CLIC5: variants seen among roughly 807,000 people sequenced by gnomAD.
CLIC5 encodes CLIC family member 5.
Under a neutral mutation model 24.7 loss-of-function variants are expected in CLIC5, and 20 were observed. That is an observed-to-expected ratio of 0.81 (90% CI 0.57 to 1.18). The LOEUF (loss-of-function observed/expected upper bound fraction) is 1.18, where lower values mean the gene tolerates loss of function less well. CLIC5 is among the 50% of genes most tolerant of loss of function. The probability of loss-of-function intolerance (pLI) is 0.00; values close to 1 mark genes in which losing one functional copy is unlikely to be tolerated. For missense variants in CLIC5, 341 were observed against 326.1 expected, an observed-to-expected ratio of 1.05 and a Z score of -0.35; for synonymous variants, 159 against 135.6, an observed-to-expected ratio of 1.17 and a Z score of -1.20.
the CLIC5 span, among the ~76,000 whole-genome samples, chr6:46,094,553 C>T: frequency 0.022 from 3,351 of 152,296 alleles, 128 homozygotes; most frequent in African/African-American, 0.076. Context: ...ACCAGCAGGG[C>T]AGTCATTAAA....
At chr6:45,962,482 C>G (rs1764882465) in intron 1 of CLIC5, among the ~76,000 whole-genome samples, 1 of 100,960 alleles carries the variant, frequency 9.9e-6, no homozygotes, top group Non-Finnish European at 1.8e-5. Context: ...TTAATGTCAT[C>G]CAAAAAAAAA....
At chr6:45,914,467 T>G in intron 4 of CLIC5, 58 bp from the exon 5 acceptor site, 1 of 1,470,492 alleles carries the variant, frequency 6.8e-7, no homozygotes, top group Non-Finnish European at 9.1e-7. Flanking sequence ...GATACAGTCA[T>G]AGGGTCTTCA....
intron 4 of CLIC5, among the ~76,000 whole-genome samples, chr6:45,932,237 G>A (rs1763765631): frequency 6.6e-6 from 1 of 151,724 alleles, no homozygotes; most frequent in African/African-American, 2.4e-5. Context: ...AACCTCTCAA[G>A]TAGATGGGAT....
intron 4 of CLIC5, among the ~76,000 whole-genome samples, chr6:45,925,457 C>T (rs1763446017): frequency 6.6e-6 from 1 of 152,072 alleles, no homozygotes; most frequent in African/African-American, 2.4e-5. Flanking sequence ...GCTGGGACTA[C>T]AGGCGCGTGC....
intron 1 of CLIC5, among the ~76,000 whole-genome samples, chr6:45,977,466 G>A (rs1229131813): frequency 6.6e-6 from 1 of 152,096 alleles, no homozygotes. Context: ...ATAAAAAAAT[G>A]GATATGATAC....
At chr6:46,032,468 C>A (rs1378225928) in intron 1 of CLIC5, among the ~76,000 whole-genome samples, 3 of 152,174 alleles carry the variant, frequency 2.0e-5, no homozygotes, top group Non-Finnish European at 4.4e-5. Context: ...ATTTTTATAT[C>A]ATCTGACTTT....
chr6:45,886,897 G>A (rs1762310063), intron 6 of CLIC5, among the ~76,000 whole-genome samples: 1 of 152,168 alleles, frequency 6.6e-6, no homozygotes, highest in Admixed American at 6.5e-5. Flanking sequence ...CTAGGCTTCT[G>A]ATCTCCTGAT....
intron 1 of CLIC5, among the ~76,000 whole-genome samples, chr6:46,013,424 T>C (rs1402920322): frequency 1.3e-5 from 2 of 152,252 alleles, no homozygotes; most frequent in Non-Finnish European, 2.9e-5. Context: ...TTGTCCCATT[T>C]ACTTGTAAAT....
chr6:46,026,052 G>A (rs1767323229), intron 1 of CLIC5, among the ~76,000 whole-genome samples: 1 of 152,138 alleles, frequency 6.6e-6, no homozygotes, highest in African/African-American at 2.4e-5. Context: ...AGAACGGACT[G>A]ATATAGCCTT....
At chr6:46,007,322 A>C (rs1345139109) in intron 1 of CLIC5, among the ~76,000 whole-genome samples, 1 of 152,242 alleles carries the variant, frequency 6.6e-6, no homozygotes, top group Non-Finnish European at 1.5e-5. Context: ...GTAATGGTCA[A>C]GCCCATCAAA....
At chr6:46,089,709 G>A in the CLIC5 span, among the ~76,000 whole-genome samples, 4 of 152,130 alleles carry the variant, frequency 2.6e-5, no homozygotes, top group Admixed American at 2.0e-4. Flanking sequence ...CCACAACTAA[G>A]CCACATCAAC....
rs1316553930 is a variant in CLIC5, at chr6:45,884,982, T to C, written c.624-3794A>G. On this transcript the variant is annotated intron_variant, in intron 6 of 6. Transcript: ENST00000644324. ...TTCAGGAAATAGGTTTTTTAAAAAA[T>C]CACAACTTTTTCATCAAGGGCCAAA... Among the ~76,000 whole-genome samples, 7 of 150,718 alleles carry C rather than the reference T, an allele frequency of 4.6e-5. No homozygotes were observed. The South Asian group carries it at 1.1e-3, about 23-fold the overall frequency.
At chr6:46,068,782 G>A (rs1413378685) in intron 1 of CLIC5, among the ~76,000 whole-genome samples, 1 of 152,230 alleles carries the variant, frequency 6.6e-6, no homozygotes, top group East Asian at 1.9e-4. Context: ...AAGACACAGA[G>A]AGAAAGAAGA....
chr6:46,069,561 G>A (rs1338359774), intron 1 of CLIC5, among the ~76,000 whole-genome samples: 1 of 151,580 alleles, frequency 6.6e-6, no homozygotes, highest in Non-Finnish European at 1.5e-5. Flanking sequence ...AAATTGAATC[G>A]GTAATAAATA....
At chr6:46,090,404 GGT>G in the CLIC5 span, among the ~76,000 whole-genome samples, 32 of 92,600 alleles carry the variant, frequency 3.5e-4, no homozygotes, top group East Asian at 2.1e-3. Context: ...CAACTTGATG[GGT>G]TTTTTTTTTT....
At chr6:45,926,269 A>G (rs1164896796) in intron 4 of CLIC5, among the ~76,000 whole-genome samples, 1 of 150,272 alleles carries the variant, frequency 6.7e-6, no homozygotes, top group Non-Finnish European at 1.5e-5. Context: ...TTTTTTTGAA[A>G]TGGAGTCTCG....
intron 1 of CLIC5, among the ~76,000 whole-genome samples, chr6:45,974,522 T>TAGAGAGAG (rs58729329): frequency 9.1e-5 from 6 of 66,000 alleles, no homozygotes; most frequent in African/African-American, 3.8e-4. Context: ...TATATATATA[T>TAGAGAGAG]AGAGAGAGAG....
Position 46,015,563 on chromosome 6 carries a change from C to T in CLIC5, c.-21G>A. 2 of 1,553,378 alleles carry T rather than the reference C, an allele frequency of 1.3e-6. No homozygotes were observed. The highest frequency in any genetic ancestry group is 2.5e-5 in the East Asian group (1 of 39,966). ...GTCATGCCGTTGGCGCCCGGGGCTA[C>T]CGTCCCGGGCCGGGGAGGCGCCACC... On this transcript the variant is annotated 5_prime_UTR_variant, in exon 1 of 6. Transcript: ENST00000339561.
At chr6:45,922,823 A>AAGAGAGAGAGAG (rs547902327) in intron 4 of CLIC5, among the ~76,000 whole-genome samples, 10,539 of 140,116 alleles carry the variant, frequency 0.075, 618 homozygotes, top group Non-Finnish European at 0.1. Flanking sequence ...GAGAGAGAGA[A>AAGAGAGAGAGAG]AGAGAGAGAG....
Sources: allele counts gnomAD v4.1 joint callset (sites outside exome capture counted in the v4.1 genomes callset), GRCh38; gene constraint gnomAD v4.1.1; transcripts MANE v1.5; gene names NCBI Gene and HGNC (gene_info 2026-07-23, HGNC 2026-07-21).